The following FASTKD5 variants were observed in gnomAD, a reference collection of about 807,000 sequenced individuals.
FASTKD5 encodes FAST kinase domains 5.
FASTKD5 carries 30 observed loss-of-function variants against 44.0 expected under a neutral mutation model. The ratio of observed to expected loss-of-function variants is 0.68; its 90% CI spans 0.51 to 0.93. FASTKD5 has a LOEUF of 0.93. Ranked by LOEUF, FASTKD5 falls within the 40% of genes least tolerant of loss-of-function variation. FASTKD5 has a pLI of 0.00. For missense variants in FASTKD5, 868 were observed against 908.2 expected (o/e 0.96, Z 0.57); for synonymous variants, 335 against 342.2 (o/e 0.98, Z 0.23).
Position 3,147,980 on chromosome 20 carries a change from C to CG in FASTKD5, c.1090dup (p.Arg364ProfsTer45). 6.2e-7 allele frequency: 1 copy of CG among 1,614,144 alleles called. No homozygotes were observed. Among genetic ancestry groups the CG allele is most frequent in the Non-Finnish European group, 8.5e-7 (1 of 1,180,042 alleles). On this transcript the variant is annotated frameshift_variant, in exon 2 of 2. Transcript: ENST00000380266. LOFTEE classifies it high-confidence loss of function. ...ATTGATGTGATCCACGTGAGTGAAA[C>CG]GGAACATTTTAACAATATTCACTAA...
At position 3,147,926 on chromosome 20, in the gene FASTKD5, G is replaced by C; in HGVS notation, c.1145C>G (p.Pro382Arg). ...NFMKQIGEIA[P>R]QRIPSLGVQG... ...AACTCCCAGGGAAGGAATTCGCTGA[G>C]GAGCTATCTCTCCAATCTGCTTCAT... The change falls in exon 2 of 2, where the codon CCT (proline) becomes CGT (arginine). Residue 382 changes from proline (P) to arginine (R), a missense_variant. By Grantham distance (103) the Pro-to-Arg change is moderately radical. Coordinates refer to ENST00000380266, the MANE Select transcript of FASTKD5 (RefSeq NM_021826.5). The C allele has an allele frequency of 6.2e-7, 1 of 1,614,250 alleles. No individual in the cohort carries two copies. Among genetic ancestry groups the C allele is most frequent in the African/African-American group, 1.3e-5 (1 of 75,072 alleles).
intron 1 of FASTKD5, among the ~76,000 whole-genome samples, chr20:3,153,613 G>A (rs1231434788): frequency 6.6e-6 from 1 of 152,162 alleles, no homozygotes; most frequent in Non-Finnish European, 1.5e-5. Context: ...GGGCAGTACG[G>A]GGTGGGATGG....
chr20:3,159,060 G>A (rs570145487), intron 1 of FASTKD5, among the ~76,000 whole-genome samples: 8 of 152,290 alleles, frequency 5.3e-5, no homozygotes, highest in South Asian at 2.1e-4. Context: ...CAGCTGATAT[G>A]AGGGGACCCA....
intron 1 of FASTKD5, among the ~76,000 whole-genome samples, chr20:3,155,133 C>A (rs191518608): frequency 6.6e-6 from 1 of 151,660 alleles, no homozygotes; most frequent in Non-Finnish European, 1.5e-5. Context: ...GTGGCTCACA[C>A]CTGTAATCCC....
At chr20:3,158,484 A>G (rs1325576012) in intron 1 of FASTKD5, among the ~76,000 whole-genome samples, 1 of 152,042 alleles carries the variant, frequency 6.6e-6, no homozygotes, top group Non-Finnish European at 1.5e-5. Flanking sequence ...TTATTTATTC[A>G]TTTATTTGAG....
At chr20:3,150,324 G>T (rs2066611760) in intron 1 of FASTKD5, among the ~76,000 whole-genome samples, 1 of 152,112 alleles carries the variant, frequency 6.6e-6, no homozygotes, top group South Asian at 2.1e-4. Flanking sequence ...CCCCAAAGCT[G>T]GGCTCAGGGT....
At chr20:3,152,362 T>A (rs2066638319) in intron 1 of FASTKD5, among the ~76,000 whole-genome samples, 1 of 151,454 alleles carries the variant, frequency 6.6e-6, no homozygotes, top group Non-Finnish European at 1.5e-5. Flanking sequence ...GCGCCTGCAA[T>A]TGCAGCTGGG....
At position 3,147,817 on chromosome 20, in the gene FASTKD5, C is replaced by G. The variant is rs1436682904; in HGVS notation, c.1254G>C (p.Leu418Phe). The change falls in exon 2 of 2, where the codon TTG becomes TTC. Residue 418 changes from leucine to phenylalanine, a missense_variant. Leu to Phe is a conservative substitution (Grantham distance 22, BLOSUM62 0). Coordinates refer to ENST00000380266, the MANE Select transcript of FASTKD5 (RefSeq NM_021826.5). The part of the protein sequence containing the change: ...EGVMNAVAAS[L>F]PPRVAHCRSK... Reference sequence around the variant, plus strand: ...TTCGACAGTGTGCCACTCTAGGAGGCAAAGACGCAGCCACTGCATTCATTA... The same window carrying G: ...TTCGACAGTGTGCCACTCTAGGAGGGAAAGACGCAGCCACTGCATTCATTA... 6.2e-7 allele frequency: 1 copy of G among 1,614,168 alleles called. No homozygotes were observed. Among genetic ancestry groups the G allele is most frequent in the South Asian group, 1.1e-5 (1 of 91,084 alleles).
rs370711138 is a variant in FASTKD5, at chr20:3,156,416, T to G, written c.-191+3350A>C. On this transcript the variant is annotated intron_variant, in intron 1 of 1. Transcript: ENST00000380266. ...CTGGTCTCAAACTCCTGGCCTCAAG[T>G]GATCCACCTGCCTTGGCCTCCCAAA... is the stretch of plus-strand genomic sequence containing the variant. 3.3e-5 allele frequency among the ~76,000 whole-genome samples: 5 copies of G among 152,100 alleles called. No homozygotes were observed. The East Asian group carries it at 7.7e-4, about 23-fold the overall frequency.
At chr20:3,152,768 C>T (rs201352490) in intron 1 of FASTKD5, among the ~76,000 whole-genome samples, 1 of 151,244 alleles carries the variant, frequency 6.6e-6, no homozygotes. Context: ...ATTAGCTGGG[C>T]GTGGTAGTGC....
chr20:3,147,222 TTAA>T lies in FASTKD5; in HGVS notation c.1846_1848del (p.Leu616del), dbSNP rs1334398063. 1 of 1,614,122 alleles carries T rather than the reference TTAA, an allele frequency of 6.2e-7. No homozygotes were observed. Among genetic ancestry groups the T allele is most frequent in the Non-Finnish European group, 8.5e-7 (1 of 1,180,062 alleles). On this transcript the variant is annotated inframe_deletion, in exon 2 of 2. Coordinates refer to ENST00000380266, the MANE Select transcript of FASTKD5 (RefSeq NM_021826.5). ...AGGCTGACTCCCACATGCTCAAGCC[TTAA>T]TTTGGCTACATTTTCAGCCGGCGTG...
chr20:3,153,635 A>T (rs1382351605), intron 1 of FASTKD5, among the ~76,000 whole-genome samples: 1 of 152,190 alleles, frequency 6.6e-6, no homozygotes, highest in African/African-American at 2.4e-5. Flanking sequence ...TGAACAATCT[A>T]TGGTCTTCTA....
chr20:3,149,099 G>A lies in FASTKD5; in HGVS notation c.-29C>T. On this transcript the variant is annotated 5_prime_UTR_variant, in exon 2 of 2. Coordinates refer to ENST00000380266, the MANE Select transcript of FASTKD5 (RefSeq NM_021826.5). The surrounding 1 kb of genome is among the most constrained non-coding windows in gnomAD (Gnocchi z 4.1). The stretch of plus-strand genomic sequence containing the variant: ...GGTGTCAGTATTGATCTCTTTGGCA[G>A]TCAGAATACAGTCCTCACAGATTTG... 1 of 1,582,602 alleles carries A rather than the reference G, an allele frequency of 6.3e-7. No homozygotes were observed. The highest frequency in any genetic ancestry group is 8.6e-7 in the Non-Finnish European group (1 of 1,164,190).
chr20:3,159,825 A>T lies in FASTKD5; in HGVS notation c.-250T>A, dbSNP rs1420329979. 1.3e-5 allele frequency: 2 copies of T among 152,278 alleles called. No homozygotes were observed. Among genetic ancestry groups the T allele is most frequent in the African/African-American group, 2.4e-5 (1 of 41,480 alleles). The allele number at this position is 152,278 out of a possible 1,614,324, so 9.4% of individuals were successfully genotyped here. ...ACCGGGGACGCCGCGGGCGGCGGCG[A>T]CACAGATACTGGCTCCTCCGGCGAC... On this transcript the variant is annotated 5_prime_UTR_variant, in exon 1 of 2. Transcript: ENST00000380266.
At position 3,149,480 on chromosome 20, in the gene FASTKD5, T is replaced by C. The variant is rs1466042869; in HGVS notation, c.-190-220A>G. Among the ~76,000 whole-genome samples the C allele has an allele frequency of 6.6e-6, 1 of 152,174 alleles. No homozygotes were observed. The highest frequency in any genetic ancestry group is 2.4e-5 in the African/African-American group (1 of 41,458). On this transcript the variant is annotated intron_variant, in intron 1 of 1. Coordinates refer to ENST00000380266, the MANE Select transcript of FASTKD5 (RefSeq NM_021826.5). The surrounding 1 kb of genome is among the most constrained non-coding windows in gnomAD (Gnocchi z 4.1). ...ACCCAGGGTACCCGTGGGCAGTTCC[T>C]GGACTGCTGCTCACCAGACTTCCTT... is the stretch of plus-strand genomic sequence containing the variant.
intron 1 of FASTKD5, among the ~76,000 whole-genome samples, chr20:3,152,552 C>T: frequency 6.6e-6 from 1 of 151,968 alleles, no homozygotes; most frequent in Non-Finnish European, 1.5e-5. Context: ...TTAATTTAAT[C>T]CACCACAATG....
intron 1 of FASTKD5, among the ~76,000 whole-genome samples, chr20:3,157,909 T>C (rs1025796187): frequency 2.0e-5 from 3 of 152,162 alleles, no homozygotes; most frequent in African/African-American, 7.2e-5. Flanking sequence ...TTTTGTTTTT[T>C]TTTTCAGACA....
intron 1 of FASTKD5, among the ~76,000 whole-genome samples, chr20:3,157,002 C>A (rs2066692479): frequency 2.0e-5 from 3 of 152,134 alleles, no homozygotes; most frequent in Admixed American, 1.3e-4. Context: ...TGGCTCATGA[C>A]CATAATCCCA....
Position 3,146,974 on chromosome 20 carries a change from A to T in FASTKD5, c.2097T>A (p.Val699=). Residue 699 remains valine (V), a synonymous_variant, in exon 2 of 2, where the codon GTT becomes GTA. Transcript: ENST00000380266. ...AATACTGGTTCCTGTTTGTGAACTGAACAGCCAGCTTCATTCTTGGGGTCT... is the reference window on the plus strand; with the variant it reads ...AATACTGGTTCCTGTTTGTGAACTGTACAGCCAGCTTCATTCTTGGGGTCT... ...CMQTPRMKLA[V]QFTNRNQYCY... 1 of 1,614,198 alleles carries T rather than the reference A, an allele frequency of 6.2e-7. No homozygotes were observed.
Sources: gnomAD v4.1 joint callset for allele counts (sites outside exome capture counted in the v4.1 genomes callset) on GRCh38, gnomAD v4.1.1 for gene constraint, Gnocchi (gnomAD v3.1) non-coding constraint, MANE v1.5 for transcripts, NCBI Gene and HGNC (gene_info 2026-07-23, HGNC 2026-07-21) for gene names.